The following CERS2 variants were observed in gnomAD, a reference collection of about 807,000 sequenced individuals.
CERS2 encodes the protein ceramide synthase 2.
A neutral mutation model predicts 56.6 loss-of-function variants in CERS2; 20 were observed. The observed-to-expected ratio is 0.35, with a 90% CI of 0.25 to 0.51. The LOEUF (loss-of-function observed/expected upper bound fraction) is 0.51. Ranked by LOEUF, CERS2 falls within the 20% of genes least tolerant of loss-of-function variation. The pLI is 0.96. For missense variants in CERS2, 361 were observed against 488.6 expected (o/e 0.74, Z 2.46); for synonymous variants, 187 against 175.4 (o/e 1.07, Z -0.52).
In CERS2 at chr1:150,966,035, C is replaced by T. The variant is rs894396141; in HGVS notation, c.*113G>A. 2.6e-5 allele frequency: 29 copies of T among 1,110,418 alleles called. No homozygotes were observed. Among genetic ancestry groups the T allele is most frequent in the Non-Finnish European group, 3.5e-5 (28 of 790,506 alleles). The allele number at this position is 1,110,418 out of a possible 1,614,324, so 68.8% of individuals were successfully genotyped here. On this transcript the variant is annotated 3_prime_UTR_variant, in exon 11 of 11. Transcript: ENST00000368954. ...AAGCAAGGAGGGAGGATGCAGAGAA[C>T]TCTCCTCTCACTTTCTCCTTTTTCC...
At chr1:150,971,326 G>A (rs1671175521) in intron 1 of CERS2, among the ~76,000 whole-genome samples, 1 of 152,194 alleles carries the variant, frequency 6.6e-6, no homozygotes, top group Non-Finnish European at 1.5e-5. Context: ...GGGCTGGGCT[G>A]GTCCTGCTGC....
chr1:150,966,047 T>C lies in CERS2; in HGVS notation c.*101A>G. The C allele has an allele frequency of 8.0e-7, 1 of 1,246,854 alleles. No individual in the cohort carries two copies. The highest frequency in any genetic ancestry group is 1.1e-6 in the Non-Finnish European group (1 of 908,340). The allele number at this position is 1,246,854 out of a possible 1,614,324, so 77.2% of individuals were successfully genotyped here. A position where few individuals can be genotyped will look rare whatever the true frequency, so the allele number is the denominator to read the frequency against. On this transcript the variant is annotated 3_prime_UTR_variant, in exon 11 of 11. Transcript: ENST00000368954. ...AGGATGCAGAGAACTCTCCTCTCAC[T>C]TTCTCCTTTTTCCCCAGAGCTTAAA... is the stretch of plus-strand genomic sequence containing the variant.
At chr1:150,967,241 C>A in intron 7 of CERS2, 39 bp from the exon 8 acceptor site, 1 of 1,608,138 alleles carries the variant, frequency 6.2e-7, no homozygotes, top group Non-Finnish European at 8.5e-7. Flanking sequence ...TTTTTTTATT[C>A]CCCAGCTCTC....
chr1:150,967,599 C>T, intron 6 of CERS2, 65 bp downstream of exon 6: 1 of 1,508,164 alleles, frequency 6.6e-7, no homozygotes, highest in Non-Finnish European at 9.2e-7. Flanking sequence ...CCATGGATTC[C>T]ACAAACCGTC....
chr1:150,973,489 G>A lies in CERS2; in HGVS notation c.-2+1130C>T, dbSNP rs925188804. On this transcript the variant is annotated intron_variant, in intron 1 of 10. Transcript: ENST00000368954. Reference sequence around the variant, plus strand: ...AAAATCTGGCCAGAGGCCCCAGTGAGGGAAGTGGGGGACCAGGGGAGAAAA... The same window carrying A: ...AAAATCTGGCCAGAGGCCCCAGTGAAGGAAGTGGGGGACCAGGGGAGAAAA... 5.3e-5 allele frequency among the ~76,000 whole-genome samples: 8 copies of A among 152,360 alleles called. 1 individual carries two copies. Among genetic ancestry groups the A allele is most frequent in the Admixed American group, 2.0e-4 (3 of 15,314 alleles).
intron 1 of CERS2, chr1:150,974,308 T>TC (rs1220077883): frequency 1.3e-5 from 2 of 150,964 alleles, no homozygotes; most frequent in Non-Finnish European, 3.0e-5. Context: ...GTCCCCACCT[T>TC]CCGCCCTACC....
In CERS2 at chr1:150,968,476, T is replaced by C. The variant is rs1346689327; in HGVS notation, c.210A>G (p.Ile70Met). 6.2e-7 allele frequency: 1 copy of C among 1,614,062 alleles called. No homozygotes were observed. Among genetic ancestry groups the C allele is most frequent in the Non-Finnish European group, 8.5e-7 (1 of 1,180,026 alleles). ...VATPLAALLN[I>M]KEKTRLRAPP... is the part of the protein sequence containing the mutation. Reference sequence around the variant, plus strand: ...GTGCCCGCAGCCGAGTTTTCTCCTTTATGTTCAAGAGGGCAGCCAGTGGTG... The same window carrying C: ...GTGCCCGCAGCCGAGTTTTCTCCTTCATGTTCAAGAGGGCAGCCAGTGGTG... Residue 70 changes from isoleucine (I) to methionine (M), a missense_variant, in exon 3 of 11, where the codon ATA becomes ATG. Transcript: ENST00000368954.
intron 1 of CERS2, chr1:150,971,873 A>G (rs1056778843): frequency 6.4e-6 from 3 of 471,062 alleles, no homozygotes; most frequent in Admixed American, 2.3e-5. Flanking sequence ...TTGGAGCCCA[A>G]CTTCTCCAGG....
chr1:150,966,578 A>G lies in CERS2; in HGVS notation c.900T>C (p.Phe300=). ...TCATGGAATTGAAGAAGTAATAGCCAAAGAAGGCAGGATAGAGCTCCAGTG... is the reference window on the plus strand; with the variant it reads ...TCATGGAATTGAAGAAGTAATAGCCGAAGAAGGCAGGATAGAGCTCCAGTG... ...VYPLELYPAF[F]GYYFFNSMMG... is the part of the protein sequence containing the mutation. Residue 300 remains phenylalanine (F), a synonymous_variant, in exon 10 of 11, where the codon TTT becomes TTC. Transcript: ENST00000368954. 1 of 1,614,120 alleles carries G rather than the reference A, an allele frequency of 6.2e-7. No individual in the cohort carries two copies. The highest frequency in any genetic ancestry group is 8.5e-7 in the Non-Finnish European group (1 of 1,180,006).
chr1:150,966,351 C>T (rs1352012475), intron 10 of CERS2, 63 bp from the exon 11 acceptor site: 7 of 1,597,456 alleles, frequency 4.4e-6, no homozygotes, highest in Admixed American at 3.6e-5. Context: ...TACTGCTTCT[C>T]TCTGAGGGCT....
At chr1:150,966,942 A>G in intron 8 of CERS2, 80 bp from the exon 9 acceptor site, 1 of 1,428,634 alleles carries the variant, frequency 7.0e-7, no homozygotes, top group Non-Finnish European at 9.9e-7. Flanking sequence ...AGTTAGGAGC[A>G]CTGACTCTGT....
At chr1:150,968,061 C>T (rs372200543) in intron 4 of CERS2, 22 bp downstream of exon 4, 8 of 1,601,402 alleles carry the variant, frequency 5.0e-6, no homozygotes, top group Non-Finnish European at 6.8e-6. Flanking sequence ...TGTCACCCAG[C>T]TTCTGCCCCA....
chr1:150,967,783 G>A, intron 5 of CERS2, 37 bp downstream of exon 5: 1 of 1,609,126 alleles, frequency 6.2e-7, no homozygotes, highest in Non-Finnish European at 8.5e-7. Context: ...GACCTTGCCA[G>A]AGAACCTACT....
chr1:150,969,588 A>G (rs1206932953), intron 1 of CERS2, among the ~76,000 whole-genome samples: 1 of 148,748 alleles, frequency 6.7e-6, no homozygotes, highest in Non-Finnish European at 1.5e-5. Flanking sequence ...AAAAAAAAGC[A>G]TTTATTGTCT....
At chr1:150,970,909 T>C (rs989005759) in intron 1 of CERS2, among the ~76,000 whole-genome samples, 1 of 152,202 alleles carries the variant, frequency 6.6e-6, no homozygotes, top group African/African-American at 2.4e-5. Flanking sequence ...AGAGCCGCTA[T>C]GTAAACCTCC....
rs1443690270 is a variant in CERS2 at position 150,967,182 on chromosome 1, G to A, written c.633C>T (p.Ile211=). 6.2e-7 allele frequency: 1 copy of A among 1,613,952 alleles called. No individual in the cohort carries two copies. The highest frequency in any genetic ancestry group is 2.2e-5 in the East Asian group (1 of 44,880). Residue 211 remains isoleucine (I), a synonymous_variant, in exon 8 of 11, where the codon ATC becomes ATT. Coordinates refer to ENST00000368954, the MANE Select transcript of CERS2 (RefSeq NM_022075.5). ...TGAGAATGATGGTGGCCACATGGTG[G>A]ATGATCTGTTCCTTGAAATCCTGCA... ...VKRKDFKEQI[I]HHVATIILIS...
chr1:150,968,228 T>TA, intron 3 of CERS2, 27 bp from the exon 4 acceptor site: 2 of 1,601,892 alleles, frequency 1.2e-6, no homozygotes, highest in Non-Finnish European at 1.7e-6. Context: ...AGCCCATTGT[T>TA]ATGTTTACCT....
rs1670993564 is a variant in CERS2, at chr1:150,965,835, T to C, written c.*313A>G. 1 of 250,270 alleles carries C rather than the reference T, an allele frequency of 4.0e-6. No homozygotes were observed. The highest frequency in any genetic ancestry group is 2.3e-5 in the African/African-American group (1 of 44,084). The allele number at this position is 250,270 out of a possible 1,614,324, so 15.5% of individuals were successfully genotyped here. A position where few individuals can be genotyped will look rare whatever the true frequency, so the allele number is the denominator to read the frequency against. On this transcript the variant is annotated 3_prime_UTR_variant, in exon 11 of 11. Transcript: ENST00000368954. ...GGGGCCAAATTCTCAGAATAAGGAA[T>C]GTGAATTGTAACCCCTACCCACAGA...
rs769836325 is a variant in CERS2 at position 150,968,151 on chromosome 1, T to C, written c.342A>G (p.Val114=). 3 of 1,609,618 alleles carry C rather than the reference T, an allele frequency of 1.9e-6. No homozygotes were observed. In the East Asian group the frequency reaches 6.7e-5, roughly 36 times the overall value. The change falls in exon 4 of 11, where the codon GTA becomes GTG. Residue 114 remains valine (V), a synonymous_variant. Transcript: ENST00000368954. ...SRQSGLSGRQ[V]ERWFRRRRNQ... ...TGCGGCGGCGACGGAACCAACGCTCTACCTGGCGGCCAGAGAGCCCGCTCT... is the reference window on the plus strand; with the variant it reads ...TGCGGCGGCGACGGAACCAACGCTCCACCTGGCGGCCAGAGAGCCCGCTCT...
Sources: allele counts gnomAD v4.1 joint callset (sites outside exome capture counted in the v4.1 genomes callset), GRCh38; gene constraint gnomAD v4.1.1; transcripts MANE v1.5; gene names NCBI Gene and HGNC (gene_info 2026-07-23, HGNC 2026-07-21).